The following CIT variants were observed in gnomAD, a reference collection of about 807,000 sequenced individuals.
CIT encodes the protein citron rho-interacting serine/threonine kinase, also known as citron Rho-interacting kinase.
A neutral mutation model predicts 272.7 loss-of-function variants in CIT; 79 were observed. The ratio of observed to expected loss-of-function variants is 0.29; its 90% CI spans 0.24 to 0.35. The LOEUF (loss-of-function observed/expected upper bound fraction) is 0.35. CIT is among the 10% of genes least tolerant of loss of function. The pLI is 1.00. For synonymous variants in CIT, 948 were observed against 995.6 expected (o/e 0.95, Z 0.90); for missense variants, 1,909 against 2,618.3 (o/e 0.73, Z 5.91).
intron 2 of CIT, among the ~76,000 whole-genome samples, chr12:119,869,706 C>A (rs1346969718): frequency 1.3e-5 from 2 of 152,184 alleles, no homozygotes; most frequent in Admixed American, 6.5e-5. Context: ...TACAAACTGG[C>A]AGACTGTCTC....
At chr12:119,707,262 G>C (rs940067373) in intron 40 of CIT, among the ~76,000 whole-genome samples, 2 of 151,874 alleles carry the variant, frequency 1.3e-5, no homozygotes, top group South Asian at 2.1e-4. Context: ...TTCCCATTTT[G>C]CTCTCAGACA....
intron 3 of CIT, among the ~76,000 whole-genome samples, chr12:119,867,440 A>G: frequency 6.6e-6 from 1 of 152,174 alleles, no homozygotes; most frequent in Non-Finnish European, 1.5e-5. Flanking sequence ...CCGCCGCCTC[A>G]GCCTCCCAAA....
At chr12:119,745,374 C>CAAAAAAAAAAAAAAAAAAAAACA (rs1959209354) in intron 23 of CIT, among the ~76,000 whole-genome samples, 1 of 7,012 alleles carries the variant, frequency 1.4e-4, no homozygotes, top group Non-Finnish European at 2.9e-4. Flanking sequence ...AAGAAACAAG[C>CAAAAAAAAAAAAAAAAAAAAACA]AAAAAAAAAA....
chr12:119,819,689 A>G (rs535420574), intron 9 of CIT, among the ~76,000 whole-genome samples: 2 of 152,366 alleles, frequency 1.3e-5, no homozygotes, highest in East Asian at 3.9e-4. Context: ...CAGGCATTTA[A>G]GCAGCATCCA....
chr12:119,821,465 A>G (rs903764662), intron 9 of CIT, among the ~76,000 whole-genome samples: 3 of 152,224 alleles, frequency 2.0e-5, no homozygotes, highest in African/African-American at 7.2e-5. Flanking sequence ...TACTATCATC[A>G]GTTTCACACA....
Position 119,822,809 on chromosome 12 carries a change from G to A in CIT, c.1111+11C>T, listed in dbSNP as rs1967830359. ...CCAACATCCCAAATTAAGGAAAACA[G>A]CCCTACTTACAGTTACGAATGTTGT... On this transcript the variant is annotated intron_variant, in intron 9 of 47. Transcript: ENST00000392521. 4 of 1,613,500 alleles carry A rather than the reference G, an allele frequency of 2.5e-6. No individual in the cohort carries two copies. In the East Asian group the frequency reaches 8.9e-5, roughly 36 times the overall value.
rs899325709 is a variant in CIT, at chr12:119,697,066, C to T, written c.5882+593G>A. Among the ~76,000 whole-genome samples, 18 of 152,296 alleles carry T rather than the reference C, an allele frequency of 1.2e-4. No homozygotes were observed. Among genetic ancestry groups the T allele is most frequent in the Middle Eastern group, 3.4e-3 (1 of 294 alleles). On this transcript the variant is annotated intron_variant, in intron 46 of 47. Coordinates refer to ENST00000392521, the MANE Select transcript of CIT (RefSeq NM_001206999.2). This position sits in a 1 kb window ranked among gnomAD's most constrained non-coding sequence, Gnocchi z 4.9. ...AAGGCACGAGGCTGGCCAGGAGTCC[C>T]TGACCTGCTCTCACGACCTCACATC...
At chr12:119,763,138 A>G (rs1962021368) in intron 19 of CIT, among the ~76,000 whole-genome samples, 1 of 152,240 alleles carries the variant, frequency 6.6e-6, no homozygotes, top group Admixed American at 6.5e-5. Context: ...TATATGGGGA[A>G]GAAGGGGAGC....
At position 119,690,549 on chromosome 12, in the gene CIT, T is replaced by A; in HGVS notation, c.5883-95A>T. 8.6e-7 allele frequency: 1 copy of A among 1,161,402 alleles called. No homozygotes were observed. The highest frequency in any genetic ancestry group is 2.8e-5 in the East Asian group (1 of 35,134). The allele number at this position is 1,161,402 out of a possible 1,614,324, so 71.9% of individuals were successfully genotyped here. On this transcript the variant is annotated intron_variant, in intron 46 of 47. Transcript: ENST00000392521. This position sits in a 1 kb window ranked among gnomAD's most constrained non-coding sequence, Gnocchi z 6.0. ...GAGCAACCCCCTCCTTGACCCAGCC[T>A]CACCACTGATTATCAAGAGATTAGA...
At chr12:119,787,515 A>G (rs965045027) in intron 10 of CIT, among the ~76,000 whole-genome samples, 11 of 151,746 alleles carry the variant, frequency 7.2e-5, no homozygotes, top group African/African-American at 2.4e-4. Context: ...GCGGATCACG[A>G]GGTCAGGAGA....
intron 10 of CIT, among the ~76,000 whole-genome samples, chr12:119,791,688 T>C (rs1276594621): frequency 6.6e-6 from 1 of 152,232 alleles, no homozygotes; most frequent in Non-Finnish European, 1.5e-5. Flanking sequence ...CACACAGCAG[T>C]GCTGTCTCTT....
chr12:119,855,285 T>C (rs1481509235), intron 4 of CIT, among the ~76,000 whole-genome samples: 1 of 151,954 alleles, frequency 6.6e-6, no homozygotes, highest in African/African-American at 2.4e-5. Flanking sequence ...TAGCCGGGCA[T>C]TGTGGCAGGC....
intron 39 of CIT, among the ~76,000 whole-genome samples, chr12:119,709,821 T>A (rs1354205623): frequency 3.5e-5 from 5 of 141,658 alleles, no homozygotes; most frequent in African/African-American, 1.1e-4. Flanking sequence ...TGTGTGTGTG[T>A]GTGTGTGTGT....
At chr12:119,861,583 A>T (rs1023683175) in intron 3 of CIT, among the ~76,000 whole-genome samples, 2 of 151,686 alleles carry the variant, frequency 1.3e-5, no homozygotes, top group African/African-American at 4.8e-5. Flanking sequence ...GCGAAACTCC[A>T]TCTCAAAAAA....
intron 3 of CIT, among the ~76,000 whole-genome samples, chr12:119,864,345 T>A (rs569317095): frequency 6.6e-6 from 1 of 152,248 alleles, no homozygotes; most frequent in Non-Finnish European, 1.5e-5. Flanking sequence ...GGGTGTTGTT[T>A]TGTGTTTTGA....
chr12:119,867,193 C>CTT (rs111573740), intron 3 of CIT, among the ~76,000 whole-genome samples: 12 of 146,144 alleles, frequency 8.2e-5, no homozygotes, highest in African/African-American at 2.5e-4. Context: ...AATACAATAA[C>CTT]TTTTTTTTTT....
intron 23 of CIT, among the ~76,000 whole-genome samples, chr12:119,748,306 A>G (rs1349443943): frequency 6.6e-6 from 1 of 152,248 alleles, no homozygotes; most frequent in East Asian, 1.9e-4. Context: ...CCAGAGAGAT[A>G]CTTTCTTTTG....
intron 24 of CIT, among the ~76,000 whole-genome samples, chr12:119,738,371 C>G (rs999588435): frequency 6.6e-6 from 1 of 152,186 alleles, no homozygotes; most frequent in Non-Finnish European, 1.5e-5. Context: ...GGTATATTCT[C>G]TACCCACCAA....
Position 119,803,247 on chromosome 12 carries a change from C to A in CIT, c.1254G>T (p.Gly418=). The change falls in exon 10 of 48, where the codon GGG becomes GGT. Residue 418 remains glycine (G), a synonymous_variant. Coordinates refer to ENST00000392521, the MANE Select transcript of CIT (RefSeq NM_001206999.2). ...TCCCCAGTGCCTTGCTGTACGAAAA[C>A]CCCACAAACGGCAGTTCTTCACCCG... The part of the protein sequence containing the change: ...GFSGEELPFV[G]FSYSKALGIL... 1 of 1,598,112 alleles carries A rather than the reference C, an allele frequency of 6.3e-7. No individual in the cohort carries two copies. The highest frequency in any genetic ancestry group is 1.4e-5 in the African/African-American group (1 of 73,370).
Sources: gnomAD v4.1 joint callset for allele counts (sites outside exome capture counted in the v4.1 genomes callset) on GRCh38, gnomAD v4.1.1 for gene constraint, Gnocchi (gnomAD v3.1) non-coding constraint, MANE v1.5 for transcripts, NCBI Gene and HGNC (gene_info 2026-07-23, HGNC 2026-07-21) for gene names.